Variants in ZNF804B observed in about 807,000 individuals in gnomAD.
The protein encoded by ZNF804B is zinc finger protein 804B, also known as zinc finger 804B.
Under a neutral mutation model 101.4 loss-of-function variants are expected in ZNF804B, and 80 were observed. That is an observed-to-expected ratio of 0.79 (90% CI 0.66 to 0.95). ZNF804B has a LOEUF of 0.95. Ranked by LOEUF, ZNF804B falls within the 40% of genes least tolerant of loss-of-function variation. ZNF804B has a pLI of 0.00. For synonymous variants in ZNF804B, 622 were observed against 558.8 expected (o/e 1.11, Z -1.59); for missense variants, 1,673 against 1,561.9 (o/e 1.07, Z -1.20).
chr7:88,829,581 A>G (rs577270460), intron 1 of ZNF804B, among the ~76,000 whole-genome samples: 5 of 152,202 alleles, frequency 3.3e-5, no homozygotes, highest in African/African-American at 1.2e-4. Flanking sequence ...TTCTAAGGAA[A>G]TTGAAGAAAG....
At chr7:88,843,746 AAAATAAT>A (rs1028638191) in intron 1 of ZNF804B, among the ~76,000 whole-genome samples, 1 of 152,144 alleles carries the variant, frequency 6.6e-6, no homozygotes, top group Non-Finnish European at 1.5e-5. Flanking sequence ...CAAAAGAAAA[AAAATAAT>A]AAATAATAAA....
At chr7:89,035,162 C>T (rs1293325401) in intron 1 of ZNF804B, among the ~76,000 whole-genome samples, 1 of 152,038 alleles carries the variant, frequency 6.6e-6, no homozygotes, top group African/African-American at 2.4e-5. Context: ...CTAGATATCA[C>T]ATTTTTTATT....
chr7:89,096,994 A>C (rs1789980101), intron 1 of ZNF804B, among the ~76,000 whole-genome samples: 1 of 152,148 alleles, frequency 6.6e-6, no homozygotes, highest in Non-Finnish European at 1.5e-5. Flanking sequence ...TCTGATCCTT[A>C]ATCTCTGCTT....
At chr7:88,936,492 G>C (rs1451847707) in intron 1 of ZNF804B, among the ~76,000 whole-genome samples, 1 of 152,066 alleles carries the variant, frequency 6.6e-6, no homozygotes. Context: ...ATAGCGAAGA[G>C]GGAAATGGGG....
intron 1 of ZNF804B, among the ~76,000 whole-genome samples, chr7:88,819,227 A>T (rs1411031815): frequency 6.6e-6 from 1 of 151,962 alleles, no homozygotes; most frequent in Non-Finnish European, 1.5e-5. Flanking sequence ...AGGTTCAAGC[A>T]ATTCTCCTGC....
chr7:89,198,607 A>C (rs2115641493), intron 1 of ZNF804B, among the ~76,000 whole-genome samples: 1 of 152,146 alleles, frequency 6.6e-6, no homozygotes, highest in East Asian at 1.9e-4. Context: ...TAATACATGT[A>C]ATTACAGAGT....
intron 1 of ZNF804B, among the ~76,000 whole-genome samples, chr7:88,931,883 A>T (rs536128208): frequency 2.6e-4 from 40 of 152,032 alleles, no homozygotes; most frequent in South Asian, 8.3e-4. Context: ...TAAAAATACA[A>T]AATTAGACTG....
At chr7:88,985,048 C>T (rs1793740743) in intron 1 of ZNF804B, among the ~76,000 whole-genome samples, 2 of 151,856 alleles carry the variant, frequency 1.3e-5, no homozygotes, top group Non-Finnish European at 2.9e-5. Flanking sequence ...TTTGACTGTT[C>T]AAGAGGAATA....
intron 1 of ZNF804B, among the ~76,000 whole-genome samples, chr7:89,206,504 CGCTTTGGGAG>C (rs1327837968): frequency 6.6e-6 from 1 of 152,112 alleles, no homozygotes; most frequent in Non-Finnish European, 1.5e-5. Context: ...GTAATCCCAA[CGCTTTGGGAG>C]GCCGAGGAGA....
At chr7:89,132,210 A>T (rs905120372) in intron 1 of ZNF804B, among the ~76,000 whole-genome samples, 2 of 149,678 alleles carry the variant, frequency 1.3e-5, no homozygotes, top group Non-Finnish European at 3.0e-5. Flanking sequence ...ACACAGTTTG[A>T]TGCAATGAGT....
At chr7:89,263,958 G>A (rs1364452294) in intron 2 of ZNF804B, among the ~76,000 whole-genome samples, 1 of 152,066 alleles carries the variant, frequency 6.6e-6, no homozygotes, top group Non-Finnish European at 1.5e-5. Context: ...GAAGTCCTAG[G>A]AAATTAATAA....
intron 1 of ZNF804B, among the ~76,000 whole-genome samples, chr7:89,098,897 C>T (rs893566672): frequency 6.6e-6 from 1 of 151,588 alleles, no homozygotes; most frequent in African/African-American, 2.4e-5. Flanking sequence ...TATTTTTATA[C>T]CTGGTCATAA....
chr7:88,818,870 C>T (rs1644554705), intron 1 of ZNF804B, among the ~76,000 whole-genome samples: 1 of 152,102 alleles, frequency 6.6e-6, no homozygotes, highest in Admixed American at 6.5e-5. Context: ...AGGTCTATCA[C>T]AATATTAGAT....
At chr7:89,086,943 G>T (rs1357061042) in intron 1 of ZNF804B, among the ~76,000 whole-genome samples, 1 of 151,406 alleles carries the variant, frequency 6.6e-6, no homozygotes, top group Non-Finnish European at 1.5e-5. Context: ...TAACAAACCT[G>T]CACGTTGTGC....
chr7:88,845,289 GCGCACGCGCGCGCACA>G (rs1791353964), intron 1 of ZNF804B, among the ~76,000 whole-genome samples: 1 of 115,844 alleles, frequency 8.6e-6, no homozygotes, highest in Non-Finnish European at 1.7e-5. Flanking sequence ...GCACGCGCGC[GCGCACGCGCGCGCACA>G]CACACACACA....
At chr7:88,788,587 T>C (rs1186748276) in intron 1 of ZNF804B, among the ~76,000 whole-genome samples, 1 of 152,210 alleles carries the variant, frequency 6.6e-6, no homozygotes, top group Non-Finnish European at 1.5e-5. Context: ...ATTTGTTTTT[T>C]GTTTCCTCTT....
At chr7:88,878,815 A>G (rs557005645) in intron 1 of ZNF804B, among the ~76,000 whole-genome samples, 1 of 152,306 alleles carries the variant, frequency 6.6e-6, no homozygotes, top group Non-Finnish European at 1.5e-5. Flanking sequence ...ATGTATCTAA[A>G]TTTAGTGACT....
intron 1 of ZNF804B, among the ~76,000 whole-genome samples, chr7:89,084,410 GA>G (rs1789741748): frequency 6.6e-6 from 1 of 151,888 alleles, no homozygotes; most frequent in South Asian, 2.1e-4. Context: ...GGTTTAAGCA[GA>G]AGTCTACAGA....
intron 1 of ZNF804B, among the ~76,000 whole-genome samples, chr7:89,137,652 A>G (rs1009200820): frequency 7.2e-5 from 11 of 152,100 alleles, no homozygotes; most frequent in African/African-American, 2.7e-4. Flanking sequence ...TAAAAGGGTA[A>G]CAGAGCATAA....
Sources: gnomAD v4.1 joint callset for allele counts (sites outside exome capture counted in the v4.1 genomes callset) on GRCh38, gnomAD v4.1.1 for gene constraint, MANE v1.5 for transcripts, NCBI Gene and HGNC (gene_info 2026-07-23, HGNC 2026-07-21) for gene names.